Variants in CD109 observed in about 807,000 individuals in gnomAD.
CD109 encodes CD109 molecule.
Under a neutral mutation model 165.8 loss-of-function variants are expected in CD109, and 149 were observed. That is an observed-to-expected ratio of 0.90 (90% CI 0.79 to 1.03). The LOEUF (loss-of-function observed/expected upper bound fraction) is 1.03, where lower values mean the gene tolerates loss of function less well. Among genes scored for constraint, CD109 ranks in the 50% least tolerant of loss-of-function variants. The pLI is 0.00. For synonymous variants in CD109, 585 were observed against 592.1 expected, an observed-to-expected ratio of 0.99 and a Z score of 0.18; for missense variants, 1,712 against 1,677.8, an observed-to-expected ratio of 1.02 and a Z score of -0.36.
At chr6:73,779,234 A>T (rs1232063959) in intron 15 of CD109, among the ~76,000 whole-genome samples, 1 of 148,254 alleles carries the variant, frequency 6.7e-6, no homozygotes, top group Non-Finnish European at 1.5e-5. Flanking sequence ...ATGTTGTAGC[A>T]TGTATCAGAG....
At chr6:73,791,178 C>CAT (rs1774939181) in intron 22 of CD109, among the ~76,000 whole-genome samples, 2 of 41,100 alleles carry the variant, frequency 4.9e-5, no homozygotes, top group African/African-American at 1.2e-4. Flanking sequence ...TATATATATA[C>CAT]ACACACACAC....
intron 3 of CD109, among the ~76,000 whole-genome samples, chr6:73,729,504 T>A (rs1209839200): frequency 6.9e-6 from 1 of 145,918 alleles, no homozygotes; most frequent in Non-Finnish European, 1.5e-5. Flanking sequence ...ATTATTATTA[T>A]TATTATTATT....
At chr6:73,703,964 C>T (rs1192613707) in intron 2 of CD109, among the ~76,000 whole-genome samples, 1 of 152,108 alleles carries the variant, frequency 6.6e-6, no homozygotes, top group Admixed American at 6.5e-5. Flanking sequence ...GTAGGTGGAT[C>T]ACTTGAGGCC....
At chr6:73,816,638 A>G (rs774453663) in intron 30 of CD109, among the ~76,000 whole-genome samples, 13 of 152,158 alleles carry the variant, frequency 8.5e-5, no homozygotes, top group South Asian at 2.1e-4. Flanking sequence ...TCTGTGTGTC[A>G]GGCGTGGGAA....
chr6:73,823,096 G>A (rs1562091549), intron 32 of CD109, among the ~76,000 whole-genome samples: 1 of 152,208 alleles, frequency 6.6e-6, no homozygotes, highest in Non-Finnish European at 1.5e-5. Context: ...CATAGAGAAT[G>A]TCATCCTAAA....
rs187218082 is a variant in CD109, at chr6:73,706,250, T to A, written c.247+8678T>A. 1.1e-4 allele frequency among the ~76,000 whole-genome samples: 16 copies of A among 152,306 alleles called. No homozygotes were observed. The East Asian group carries it at 2.9e-3, about 28-fold the overall frequency. The stretch of plus-strand genomic sequence containing the variant: ...AAATGGGGGTAAAAGTTAAAAGTAG[T>A]GGCAGACCAGAATGAGAAACACAGG... On this transcript the variant is annotated intron_variant, in intron 2 of 32. Transcript: ENST00000287097.
At chr6:73,819,850 A>G (rs1009716646) in intron 31 of CD109, among the ~76,000 whole-genome samples, 2 of 152,200 alleles carry the variant, frequency 1.3e-5, no homozygotes, top group African/African-American at 4.8e-5. Flanking sequence ...TGGTTATTTT[A>G]ATTTGAGTGT....
At chr6:73,794,523 T>C (rs1262108060) in intron 23 of CD109, among the ~76,000 whole-genome samples, 1 of 152,110 alleles carries the variant, frequency 6.6e-6, no homozygotes, top group East Asian at 1.9e-4. Flanking sequence ...TGTAAGGTGT[T>C]GGGTTTAAGT....
intron 22 of CD109, among the ~76,000 whole-genome samples, chr6:73,790,004 G>A (rs1445062123): frequency 6.6e-6 from 1 of 150,784 alleles, no homozygotes; most frequent in East Asian, 2.0e-4. Context: ...CAAAGTGCTG[G>A]GATTACAGGT....
At chr6:73,783,158 A>G (rs897776422) in intron 18 of CD109, among the ~76,000 whole-genome samples, 1 of 152,216 alleles carries the variant, frequency 6.6e-6, no homozygotes, top group African/African-American at 2.4e-5. Context: ...CATTCCCAGG[A>G]GTCACAGGGA....
At chr6:73,771,605 AT>A in intron 15 of CD109, 24 bp downstream of exon 15, 1 of 1,492,504 alleles carries the variant, frequency 6.7e-7, no homozygotes, top group Non-Finnish European at 9.0e-7. Flanking sequence ...TTTTTTCATT[AT>A]GAAAATATGT....
At position 73,821,287 on chromosome 6, in the gene CD109, C is replaced by T. The variant is rs565302769; in HGVS notation, c.4162+724C>T. ...CAAACCTGCACGTTGTGCACATGTA[C>T]CCTAGCACTTAAAGTATAATAAAAA... On this transcript the variant is annotated intron_variant, in intron 32 of 32. Transcript: ENST00000287097. Among the ~76,000 whole-genome samples the T allele has an allele frequency of 9.2e-5, 14 of 152,170 alleles. 1 individual carries two copies. The East Asian group carries it at 1.5e-3, about 17-fold the overall frequency.
intron 2 of CD109, among the ~76,000 whole-genome samples, chr6:73,713,422 A>AT (rs543387201): frequency 3.8e-4 from 57 of 148,910 alleles, no homozygotes; most frequent in Admixed American, 6.7e-4. Context: ...TTGTATTTTT[A>AT]TTTTTTTTTT....
rs529156331 is a variant in CD109 at position 73,762,686 on chromosome 6, T to C, written c.856-55T>C. On this transcript the variant is annotated intron_variant, in intron 8 of 32. Transcript: ENST00000287097. ...GTTGTGACTTAGTTTGAGTTTTATTTCTAAAATTTGAATTGCTAAAATGGT... is the reference window on the plus strand; with the variant it reads ...GTTGTGACTTAGTTTGAGTTTTATTCCTAAAATTTGAATTGCTAAAATGGT... 1.5e-4 allele frequency: 215 copies of C among 1,428,878 alleles called. 1 individual carries two copies. In the Middle Eastern group the frequency reaches 2.1e-3, roughly 14 times the overall value. 88.5% of individuals were successfully genotyped at this position (1,428,878 alleles called of 1,614,324 possible). A position where few individuals can be genotyped will look rare whatever the true frequency, so the allele number is the denominator to read the frequency against.
chr6:73,803,794 T>C (rs1379998231), intron 24 of CD109, among the ~76,000 whole-genome samples: 1 of 152,196 alleles, frequency 6.6e-6, no homozygotes, highest in African/African-American at 2.4e-5. Flanking sequence ...TTTTGGATGA[T>C]TAATCTCTCT....
At chr6:73,753,846 G>A (rs1006220766) in intron 5 of CD109, among the ~76,000 whole-genome samples, 1 of 152,154 alleles carries the variant, frequency 6.6e-6, no homozygotes, top group African/African-American at 2.4e-5. Flanking sequence ...GATAACTGAG[G>A]CTGATCTGTT....
intron 22 of CD109, 49 bp from the exon 23 acceptor site, chr6:73,792,577 C>A: frequency 1.9e-6 from 3 of 1,548,526 alleles, no homozygotes; most frequent in South Asian, 2.3e-5. Context: ...ACCAGCAGGT[C>A]GTTGTTACTG....
intron 28 of CD109, among the ~76,000 whole-genome samples, 156 bp from the exon 29 acceptor site, chr6:73,812,049 A>T (rs1454734848): frequency 6.6e-6 from 1 of 152,046 alleles, no homozygotes; most frequent in Non-Finnish European, 1.5e-5. Flanking sequence ...TACCTATTTG[A>T]CCCATAGCTT....
At chr6:73,753,938 G>T (rs1378858107) in intron 5 of CD109, among the ~76,000 whole-genome samples, 1 of 152,192 alleles carries the variant, frequency 6.6e-6, no homozygotes, top group Non-Finnish European at 1.5e-5. Flanking sequence ...AACGTTGAAG[G>T]CATGCTTTAC....
Sources: gnomAD v4.1 joint callset for allele counts (sites outside exome capture counted in the v4.1 genomes callset) on GRCh38, gnomAD v4.1.1 for gene constraint, MANE v1.5 for transcripts, NCBI Gene and HGNC (gene_info 2026-07-23, HGNC 2026-07-21) for gene names.